Variants in HDAC4 observed in about 807,000 individuals in gnomAD.
HDAC4 encodes the protein histone deacetylase A.
Under a neutral mutation model 135.1 loss-of-function variants are expected in HDAC4, and 16 were observed. The observed-to-expected ratio is 0.12, with a 90% CI of 0.08 to 0.18. HDAC4 has a LOEUF of 0.18. Among genes scored for constraint, HDAC4 ranks in the 10% least tolerant of loss-of-function variants. The pLI is 1.00. For missense variants in HDAC4, 1,143 were observed against 1,511.8 expected (o/e 0.76, Z 4.05); for synonymous variants, 685 against 653.4 (o/e 1.05, Z -0.74).
intron 2 of HDAC4, among the ~76,000 whole-genome samples, chr2:239,260,535 T>C (rs536531527): frequency 6.6e-6 from 1 of 152,250 alleles, no homozygotes; most frequent in East Asian, 1.9e-4. Flanking sequence ...GCTGGCCTCA[T>C]CTCTCTTCCC....
rs1462662662 is a variant in HDAC4, at chr2:239,066,840, G to A, written c.2885C>T (p.Thr962Met). The A allele has an allele frequency of 1.2e-6, 2 of 1,613,408 alleles. No individual in the cohort carries two copies. The highest frequency in any genetic ancestry group is 1.7e-5 in the Admixed American group (1 of 60,004). The change falls in exon 24 of 27, where the codon ACG becomes ATG. Residue 962 changes from threonine (T) to methionine (M), a missense_variant. By Grantham distance (81) the Thr-to-Met change is moderately conservative. Coordinates refer to ENST00000543185, the MANE Select transcript of HDAC4 (RefSeq NM_001378414.1). Reference sequence around the variant, plus strand: ...GCCAGCCAGGCCCATCAGCTGCTTCGTCAGGTACCCGAAGCCTGCAACGGG... The same window carrying A: ...GCCAGCCAGGCCCATCAGCTGCTTCATCAGGTACCCGAAGCCTGCAACGGG... The part of the protein sequence containing the change: ...NLSARCFGYL[T>M]KQLMGLAGGR...
chr2:239,164,559 C>T (rs1373144113), intron 5 of HDAC4, among the ~76,000 whole-genome samples: 1 of 152,218 alleles, frequency 6.6e-6, no homozygotes, highest in African/African-American at 2.4e-5. Flanking sequence ...GCAAAAAAGG[C>T]CACTCTCACC....
At chr2:239,226,917 A>C (rs1429406276) in intron 3 of HDAC4, among the ~76,000 whole-genome samples, 8 of 152,248 alleles carry the variant, frequency 5.3e-5, no homozygotes, top group Non-Finnish European at 4.4e-5. Context: ...CAGAGTGAAC[A>C]CAATCACGTT....
intron 2 of HDAC4, among the ~76,000 whole-genome samples, chr2:239,345,875 CAT>C (rs1692604560): frequency 6.8e-6 from 1 of 148,092 alleles, no homozygotes; most frequent in East Asian, 2.1e-4. Flanking sequence ...CCCTAACACA[CAT>C]ACACACCGTC....
intron 4 of HDAC4, among the ~76,000 whole-genome samples, 187 bp from the exon 5 acceptor site, chr2:239,176,750 G>A (rs966912896): frequency 3.9e-5 from 6 of 152,146 alleles, no homozygotes; most frequent in African/African-American, 1.4e-4. Context: ...CCGGGCTCTG[G>A]GCATTGTCTT....
rs905082092 is a variant in HDAC4, at chr2:239,141,460, A to G, written c.866-1664T>C. ...TCTCACCCTCTCACTTCCACCAGAC[A>G]CTAACTCCAGAGGTAGGCTTCTCCC... On this transcript the variant is annotated intron_variant, in intron 8 of 26. Coordinates refer to ENST00000543185, the MANE Select transcript of HDAC4 (RefSeq NM_001378414.1). This position sits in a 1 kb window ranked among gnomAD's most constrained non-coding sequence, Gnocchi z 4.9. Among the ~76,000 whole-genome samples the G allele has an allele frequency of 4.6e-5, 7 of 151,952 alleles. No homozygotes were observed. Among genetic ancestry groups the G allele is most frequent in the African/African-American group, 9.7e-5 (4 of 41,362 alleles).
In HDAC4 at chr2:239,352,093, A is replaced by G. The variant is rs1229900226; in HGVS notation, c.22+585T>C. Among the ~76,000 whole-genome samples, 2 of 152,344 alleles carry G rather than the reference A, an allele frequency of 1.3e-5. No individual in the cohort carries two copies. The highest frequency in any genetic ancestry group is 4.8e-5 in the African/African-American group (2 of 41,580). On this transcript the variant is annotated intron_variant, in intron 2 of 26. Coordinates refer to ENST00000543185, the MANE Select transcript of HDAC4 (RefSeq NM_001378414.1). The surrounding 1 kb of genome is among the most constrained non-coding windows in gnomAD (Gnocchi z 4.4). ...AGCAGGACAAGCTTGCTTCCCAATC[A>G]TGTGGGTCCCCCACCTACCAGCTCT... is the stretch of plus-strand genomic sequence containing the variant.
intron 3 of HDAC4, among the ~76,000 whole-genome samples, chr2:239,193,625 A>T (rs2045158925): frequency 6.6e-6 from 1 of 152,232 alleles, no homozygotes; most frequent in African/African-American, 2.4e-5. Context: ...CCAGCCTGCC[A>T]TCTGCAATCC....
intron 15 of HDAC4, 125 bp from the exon 16 acceptor site, chr2:239,103,021 G>A: frequency 8.6e-7 from 1 of 1,168,190 alleles, no homozygotes; most frequent in Non-Finnish European, 1.2e-6. Flanking sequence ...AAACAAGCAT[G>A]TTATTTGGTT....
intron 7 of HDAC4, among the ~76,000 whole-genome samples, chr2:239,145,076 A>C (rs1305792985): frequency 1.3e-5 from 2 of 151,986 alleles, no homozygotes; most frequent in African/African-American, 4.8e-5. Flanking sequence ...GAAGTCACTT[A>C]ATGGCGATGT....
At chr2:239,390,781 C>A (rs1696146147) in intron 1 of HDAC4, among the ~76,000 whole-genome samples, 1 of 152,218 alleles carries the variant, frequency 6.6e-6, no homozygotes, top group African/African-American at 2.4e-5. Flanking sequence ...GACCTGAGCA[C>A]CCAGCCACGC....
intron 2 of HDAC4, among the ~76,000 whole-genome samples, chr2:239,304,748 T>C (rs2052477089): frequency 6.6e-6 from 1 of 152,140 alleles, no homozygotes; most frequent in Non-Finnish European, 1.5e-5. Context: ...ACTGCTTGCT[T>C]CTGAATCTCC....
intron 3 of HDAC4, among the ~76,000 whole-genome samples, chr2:239,195,803 C>T (rs1371562615): frequency 1.3e-5 from 2 of 152,208 alleles, no homozygotes; most frequent in African/African-American, 2.4e-5. Context: ...TCAGTGAGAG[C>T]ACAAAGGCCG....
intron 3 of HDAC4, among the ~76,000 whole-genome samples, chr2:239,228,369 A>G (rs2047361001): frequency 6.6e-6 from 1 of 151,656 alleles, no homozygotes; most frequent in Admixed American, 6.6e-5. Flanking sequence ...GCCTCTGTCA[A>G]TACTGAGCCG....
At chr2:239,101,718 C>A (rs1048306845) in intron 16 of HDAC4, among the ~76,000 whole-genome samples, 1 of 152,112 alleles carries the variant, frequency 6.6e-6, no homozygotes, top group Non-Finnish European at 1.5e-5. Flanking sequence ...ACAAAGGGAG[C>A]CCTGGGATCC....
intron 2 of HDAC4, among the ~76,000 whole-genome samples, chr2:239,293,462 C>A (rs941331008): frequency 1.3e-5 from 2 of 152,088 alleles, no homozygotes; most frequent in African/African-American, 4.8e-5. Flanking sequence ...TACAATCTAC[C>A]CCAGCAGGGG....
chr2:239,191,670 G>A (rs1193729004), intron 3 of HDAC4, among the ~76,000 whole-genome samples: 1 of 152,198 alleles, frequency 6.6e-6, no homozygotes, highest in East Asian at 1.9e-4. Flanking sequence ...AGCTCCTGGT[G>A]CCCAGGGTGA....
At chr2:239,382,042 C>A (rs1040428798) in intron 1 of HDAC4, among the ~76,000 whole-genome samples, 4 of 152,222 alleles carry the variant, frequency 2.6e-5, no homozygotes, top group African/African-American at 9.7e-5. Flanking sequence ...TCACATACGG[C>A]TCCCTAGGGC....
In HDAC4 at chr2:239,139,865, C is replaced by T. The variant is rs953281240; in HGVS notation, c.866-69G>A. ...GGGAGGGCCGTGCTGACCTGTGGCC[C>T]GAATGCCCGGTGCCTTCCACGGACC... On this transcript the variant is annotated intron_variant, in intron 8 of 26. Transcript: ENST00000543185. This position sits in a 1 kb window ranked among gnomAD's most constrained non-coding sequence, Gnocchi z 5.3. The T allele has an allele frequency of 8.1e-6, 11 of 1,351,650 alleles. No individual in the cohort carries two copies. Among genetic ancestry groups the T allele is most frequent in the South Asian group, 4.7e-5 (4 of 85,404 alleles). The allele number at this position is 1,351,650 out of a possible 1,614,324, so 83.7% of individuals were successfully genotyped here.
Sources: gnomAD v4.1 joint callset for allele counts (sites outside exome capture counted in the v4.1 genomes callset) on GRCh38, gnomAD v4.1.1 for gene constraint, Gnocchi (gnomAD v3.1) non-coding constraint, MANE v1.5 for transcripts, NCBI Gene and HGNC (gene_info 2026-07-23, HGNC 2026-07-21) for gene names.